MROH2B: variants seen among roughly 807,000 people sequenced by gnomAD.
MROH2B encodes the protein maestro heat-like repeat-containing protein family member 2B.
Under a neutral mutation model 208.6 loss-of-function variants are expected in MROH2B, and 177 were observed. The ratio of observed to expected loss-of-function variants is 0.85; its 90% CI spans 0.75 to 0.96. The LOEUF (loss-of-function observed/expected upper bound fraction) is 0.96, where lower values mean the gene tolerates loss of function less well. MROH2B is among the 40% of genes least tolerant of loss of function. The pLI is 0.00. For synonymous variants in MROH2B, 728 were observed against 659.0 expected (o/e 1.10, Z -1.60); for missense variants, 2,002 against 1,878.7 (o/e 1.07, Z -1.21).
chr5:41,025,981 C>A (rs1439476900), intron 24 of MROH2B, among the ~76,000 whole-genome samples: 3 of 152,160 alleles, frequency 2.0e-5, no homozygotes, highest in Non-Finnish European at 4.4e-5. Context: ...TGACAAAATT[C>A]AACAGCCCCT....
Position 41,000,349 on chromosome 5 carries a change from A to G in MROH2B, c.4353T>C (p.Ala1451=). Residue 1451 remains alanine (A), a splice_region_variant and synonymous_variant, in exon 39 of 42, where the codon GCT becomes GCC. Transcript: ENST00000399564. ...LWDPNPKIGV[A]CRDVLMVCIP... ...TGCAGACCATCAAGACATCACGGCA[A>G]GCCTGGAAAACAGAGTTTTCTGCAT... 4 of 1,613,218 alleles carry G rather than the reference A, an allele frequency of 2.5e-6. No homozygotes were observed. Among genetic ancestry groups the G allele is most frequent in the Non-Finnish European group, 3.4e-6 (4 of 1,179,632 alleles).
rs554365981 is a variant in MROH2B at position 41,021,145 on chromosome 5, A to G, written c.2442-2127T>C. Among the ~76,000 whole-genome samples, 6 of 152,358 alleles carry G rather than the reference A, an allele frequency of 3.9e-5. No individual in the cohort carries two copies. The East Asian group carries it at 1.2e-3, about 29-fold the overall frequency. ...AAAATCTGTTGCATTTCTATATACA[A>G]CTGATTTGTTAAGAAATGAACAAAC... On this transcript the variant is annotated intron_variant, in intron 24 of 41. Transcript: ENST00000399564.
chr5:41,058,521 G>A (rs183910314), intron 6 of MROH2B, among the ~76,000 whole-genome samples: 3 of 151,748 alleles, frequency 2.0e-5, no homozygotes, highest in East Asian at 1.9e-4. Flanking sequence ...GCAGTGGCAC[G>A]ATCTCAGCTC....
At position 41,004,359 on chromosome 5, in the gene MROH2B, G is replaced by A; in HGVS notation, c.4181C>T (p.Thr1394Ile). 6.2e-7 allele frequency: 1 copy of A among 1,613,172 alleles called. No individual in the cohort carries two copies. The highest frequency in any genetic ancestry group is 8.5e-7 in the Non-Finnish European group (1 of 1,179,696). ...YFKEIVLQTR[T>I]FFEDEQDDVR... ...AGGCTCACTTACATCTTCAAAGAAG[G>A]TCCTTGTTTGCAGCACTATTTCCTT... is the stretch of plus-strand genomic sequence containing the variant. The change falls in exon 37 of 42, where the codon ACC becomes ATC. Residue 1394 changes from threonine to isoleucine, a missense_variant. Thr to Ile is a moderately conservative substitution (Grantham distance 89, BLOSUM62 -1). Coordinates refer to ENST00000399564, the MANE Select transcript of MROH2B (RefSeq NM_173489.5).
chr5:41,009,553 A>T (rs1404310209), intron 31 of MROH2B, 147 bp from the exon 32 acceptor site: 6 of 1,124,700 alleles, frequency 5.3e-6, no homozygotes, highest in African/African-American at 1.6e-5. Context: ...GATAAGAAAG[A>T]TGTTTTACAT....
At chr5:41,016,498 GTTTTTTTTTTTTT>G (rs10689623) in intron 28 of MROH2B, among the ~76,000 whole-genome samples, 2 of 80,778 alleles carry the variant, frequency 2.5e-5, no homozygotes. Flanking sequence ...CTACTGTAAT[GTTTTTTTTTTTTT>G]TTTTTTTTTT....
At position 41,071,078 on chromosome 5, in the gene MROH2B, G is replaced by T. The variant is rs370472091; in HGVS notation, c.-226C>A. 4.1e-6 allele frequency: 2 copies of T among 488,322 alleles called. No homozygotes were observed. Among genetic ancestry groups the T allele is most frequent in the Non-Finnish European group, 7.3e-6 (2 of 273,936 alleles). The allele number at this position is 488,322 out of a possible 1,614,324, so 30.2% of individuals were successfully genotyped here. ...TTCTACCACTATGACATTGTCTTGCGTCTGAACTCCTGCTAACCAACAAAA... is the reference window on the plus strand; with the variant it reads ...TTCTACCACTATGACATTGTCTTGCTTCTGAACTCCTGCTAACCAACAAAA... On this transcript the variant is annotated 5_prime_UTR_variant, in exon 1 of 42. Transcript: ENST00000399564.
chr5:41,000,200 G>T lies in MROH2B; in HGVS notation c.4482+20C>A. On this transcript the variant is annotated intron_variant, in intron 39 of 41. Transcript: ENST00000399564. ...CCCTTGTCCTGCCTTTTTTGGAGGCGGCATCTATTGGACACTCACCAGTTT... is the reference window on the plus strand; with the variant it reads ...CCCTTGTCCTGCCTTTTTTGGAGGCTGCATCTATTGGACACTCACCAGTTT... The T allele has an allele frequency of 1.2e-6, 2 of 1,608,324 alleles. No homozygotes were observed. Among genetic ancestry groups the T allele is most frequent in the Admixed American group, 1.7e-5 (1 of 58,506 alleles).
At chr5:41,023,295 A>G (rs1296891982) in intron 24 of MROH2B, among the ~76,000 whole-genome samples, 1 of 152,228 alleles carries the variant, frequency 6.6e-6, no homozygotes, top group Non-Finnish European at 1.5e-5. Flanking sequence ...AAATCTTGAA[A>G]AAAGATTAGA....
chr5:41,018,116 C>T (rs1261793101), intron 27 of MROH2B, 146 bp from the exon 28 acceptor site: 5 of 1,228,332 alleles, frequency 4.1e-6, no homozygotes, highest in East Asian at 2.6e-5. Flanking sequence ...TAAAAGATGC[C>T]TATTTTTAAG....
At chr5:41,018,025 G>GAT in intron 27 of MROH2B, 55 bp from the exon 28 acceptor site, 3 of 1,539,650 alleles carry the variant, frequency 1.9e-6, no homozygotes, top group Non-Finnish European at 2.6e-6. Context: ...CATATCCCAG[G>GAT]ATGTTCCCAA....
At chr5:41,046,716 T>C (rs1028366050) in intron 17 of MROH2B, among the ~76,000 whole-genome samples, 8 of 152,056 alleles carry the variant, frequency 5.3e-5, no homozygotes, top group African/African-American at 1.9e-4. Flanking sequence ...CAAGACTTCC[T>C]ACTAGAAAAA....
intron 27 of MROH2B, 119 bp downstream of exon 27, chr5:41,018,222 G>A (rs548378178): frequency 4.0e-5 from 45 of 1,125,482 alleles, no homozygotes; most frequent in South Asian, 2.2e-4. Context: ...AAAGTGTTCC[G>A]AAAAGCACTT....
rs1216640572 is a variant in MROH2B, at chr5:41,061,492, T to C, written c.615+78A>G. ...GGCTTCCAAAAATACTGAGCCTAAT[T>C]ATCATGTCACAAAGAGAAGAGAAAT... is the stretch of plus-strand genomic sequence containing the variant. On this transcript the variant is annotated intron_variant, in intron 6 of 41. Transcript: ENST00000399564. 3 of 1,267,508 alleles carry C rather than the reference T, an allele frequency of 2.4e-6. No homozygotes were observed. The East Asian group carries it at 7.9e-5, about 33-fold the overall frequency. The allele number at this position is 1,267,508 out of a possible 1,614,324, so 78.5% of individuals were successfully genotyped here. A position where few individuals can be genotyped will look rare whatever the true frequency, so the allele number is the denominator to read the frequency against.
intron 3 of MROH2B, 96 bp downstream of exon 3, chr5:41,067,012 G>T: frequency 1.4e-6 from 1 of 710,948 alleles, no homozygotes; most frequent in Non-Finnish European, 2.5e-6. Context: ...CAAGTGATTT[G>T]TGGTCCTGGC....
intron 34 of MROH2B, among the ~76,000 whole-genome samples, chr5:41,006,032 C>CAA (rs5867531): frequency 0.012 from 1,602 of 129,516 alleles, 16 homozygotes; most frequent in Non-Finnish European, 0.017. Context: ...ATTCTGTCTC[C>CAA]AAAAAAAAAA....
intron 34 of MROH2B, among the ~76,000 whole-genome samples, chr5:41,006,668 A>T (rs1167199116): frequency 2.0e-5 from 3 of 152,232 alleles, no homozygotes; most frequent in African/African-American, 4.8e-5. Flanking sequence ...AAAAGGAGTG[A>T]AATAATGGCA....
Position 41,004,401 on chromosome 5 carries a change from T to G in MROH2B, c.4139A>C (p.Asp1380Ala). Residue 1380 changes from aspartate (D) to alanine (A), a missense_variant, in exon 37 of 42, where the codon GAC (aspartate) becomes GCC (alanine). By Grantham distance (126) the Asp-to-Ala change is moderately radical. Transcript: ENST00000399564. The part of the protein sequence containing the change: ...KKILELLTDR[D>A]VSFYFKEIVL... Reference sequence around the variant, plus strand: ...TATTTCCTTGAAGTAGAAGCTCACGTCTCGGTCTGTCAGCAGCTCCAGGAT... The same window carrying G: ...TATTTCCTTGAAGTAGAAGCTCACGGCTCGGTCTGTCAGCAGCTCCAGGAT... 1 of 1,614,012 alleles carries G rather than the reference T, an allele frequency of 6.2e-7. No homozygotes were observed. Among genetic ancestry groups the G allele is most frequent in the Non-Finnish European group, 8.5e-7 (1 of 1,179,872 alleles).
intron 10 of MROH2B, 94 bp from the exon 11 acceptor site, chr5:41,054,934 A>G: frequency 1.2e-6 from 1 of 821,680 alleles, no homozygotes; most frequent in Non-Finnish European, 1.8e-6. Flanking sequence ...ATGGCACATA[A>G]TTGTGAAATC....
Sources: gnomAD v4.1 joint callset for allele counts (sites outside exome capture counted in the v4.1 genomes callset) on GRCh38, gnomAD v4.1.1 for gene constraint, MANE v1.5 for transcripts, NCBI Gene and HGNC (gene_info 2026-07-23, HGNC 2026-07-21) for gene names.